The following SORCS2 variants were observed in gnomAD, a reference collection of about 807,000 sequenced individuals.
SORCS2 encodes VPS10 domain-containing receptor SorCS2.
Under a neutral mutation model 141.6 loss-of-function variants are expected in SORCS2, and 100 were observed. The ratio of observed to expected loss-of-function variants is 0.71; its 90% CI spans 0.60 to 0.83. The LOEUF (loss-of-function observed/expected upper bound fraction) is 0.83, where lower values mean the gene tolerates loss of function less well. SORCS2 is among the 40% of genes least tolerant of loss of function. The probability of loss-of-function intolerance (pLI) is 0.00; values close to 1 mark genes in which losing one functional copy is unlikely to be tolerated. For missense variants in SORCS2, 1,646 were observed against 1,560.2 expected (o/e 1.05, Z -0.93); for synonymous variants, 789 against 676.9 (o/e 1.17, Z -2.57).
chr4:7,268,097 G>A (rs1028841701), intron 1 of SORCS2, among the ~76,000 whole-genome samples: 2 of 152,192 alleles, frequency 1.3e-5, no homozygotes, highest in Non-Finnish European at 2.9e-5. Flanking sequence ...GGTGGGCCCC[G>A]GGCCCCTGGA....
chr4:7,594,569 C>T (rs142017721), intron 3 of SORCS2, among the ~76,000 whole-genome samples: 46 of 152,270 alleles, frequency 3.0e-4, no homozygotes, highest in African/African-American at 9.9e-4. Context: ...CTGCCCAGGG[C>T]GCATCCTGGC....
At chr4:7,558,868 T>C (rs1414108378) in intron 3 of SORCS2, among the ~76,000 whole-genome samples, 1 of 152,186 alleles carries the variant, frequency 6.6e-6, no homozygotes, top group African/African-American at 2.4e-5. Context: ...AGCCGGCCCA[T>C]AGAGCTGTGG....
chr4:7,423,172 A>G (rs1163208537), intron 2 of SORCS2, among the ~76,000 whole-genome samples: 12 of 151,922 alleles, frequency 7.9e-5, no homozygotes. Context: ...GGAGGCTCTG[A>G]CTCCGTGCTG....
At chr4:7,685,008 G>A (rs898795099) in intron 10 of SORCS2, among the ~76,000 whole-genome samples, 2 of 152,176 alleles carry the variant, frequency 1.3e-5, no homozygotes, top group Non-Finnish European at 2.9e-5. Flanking sequence ...CCGGCTGCCC[G>A]CCTCTGCTCA....
chr4:7,366,851 A>G (rs1721931063), intron 1 of SORCS2, among the ~76,000 whole-genome samples: 1 of 152,140 alleles, frequency 6.6e-6, no homozygotes, highest in Non-Finnish European at 1.5e-5. Context: ...GGTGCATGGC[A>G]GGTTCTCAGG....
At chr4:7,739,936 C>A (rs1712519678) in intron 26 of SORCS2, among the ~76,000 whole-genome samples, 1 of 152,200 alleles carries the variant, frequency 6.6e-6, no homozygotes, top group Non-Finnish European at 1.5e-5. Flanking sequence ...AGGTCAGTGG[C>A]TGTGGCGGGT....
intron 22 of SORCS2, among the ~76,000 whole-genome samples, chr4:7,729,325 GGGCCA>G (rs1290968091): frequency 2.0e-5 from 3 of 152,108 alleles, no homozygotes; most frequent in Non-Finnish European, 4.4e-5. Context: ...AATGGACTGA[GGGCCA>G]GGCCTGGCCA....
chr4:7,356,868 G>T (rs956026538), intron 1 of SORCS2, among the ~76,000 whole-genome samples: 2 of 152,210 alleles, frequency 1.3e-5, no homozygotes, highest in Admixed American at 1.3e-4. Context: ...TCCGGGCCTG[G>T]CCTGCTGGCT....
intron 12 of SORCS2, among the ~76,000 whole-genome samples, chr4:7,700,913 C>T (rs1328729192): frequency 6.6e-6 from 1 of 152,226 alleles, no homozygotes; most frequent in African/African-American, 2.4e-5. Flanking sequence ...CAGTCACCAG[C>T]TGTGTGGCTT....
intron 3 of SORCS2, among the ~76,000 whole-genome samples, chr4:7,632,394 A>G (rs933958271): frequency 2.6e-5 from 4 of 152,170 alleles, no homozygotes; most frequent in African/African-American, 9.6e-5. Context: ...CTGCTGCCCA[A>G]TTTGGAGGAA....
At chr4:7,398,994 A>G (rs1020546497) in intron 2 of SORCS2, among the ~76,000 whole-genome samples, 3 of 152,186 alleles carry the variant, frequency 2.0e-5, no homozygotes, top group Non-Finnish European at 2.9e-5. Flanking sequence ...CGACTTTTCT[A>G]ACTCCTGCTC....
chr4:7,566,700 C>T (rs1045698477), intron 3 of SORCS2, among the ~76,000 whole-genome samples: 8 of 152,262 alleles, frequency 5.3e-5, no homozygotes, highest in East Asian at 3.8e-4. Flanking sequence ...TAGGAAGTGA[C>T]GTGCATTGCT....
intron 2 of SORCS2, among the ~76,000 whole-genome samples, chr4:7,478,271 G>A (rs1730422509): frequency 6.6e-6 from 1 of 152,282 alleles, no homozygotes; most frequent in East Asian, 1.9e-4. Flanking sequence ...AAGGAGGCTC[G>A]CTTCCTTTCA....
At chr4:7,622,691 T>G (rs952582652) in intron 3 of SORCS2, among the ~76,000 whole-genome samples, 6 of 152,068 alleles carry the variant, frequency 3.9e-5, no homozygotes, top group African/African-American at 1.4e-4. Context: ...TATCTGTTCT[T>G]CCAGATCTGG....
chr4:7,199,003 G>A (rs1441809499), intron 1 of SORCS2, among the ~76,000 whole-genome samples: 1 of 152,186 alleles, frequency 6.6e-6, no homozygotes. Context: ...CCTCATATTT[G>A]CCTCCAAAGC....
intron 1 of SORCS2, among the ~76,000 whole-genome samples, chr4:7,393,672 G>C (rs1376700000): frequency 6.6e-6 from 1 of 152,152 alleles, no homozygotes; most frequent in East Asian, 1.9e-4. Context: ...GGTATCCCTG[G>C]GGCATTGCGG....
At chr4:7,421,190 C>T (rs540266728) in intron 2 of SORCS2, among the ~76,000 whole-genome samples, 20 of 152,312 alleles carry the variant, frequency 1.3e-4, no homozygotes, top group Admixed American at 4.6e-4. Flanking sequence ...GCACTGGGCT[C>T]TGCAGTGAGT....
intron 8 of SORCS2, among the ~76,000 whole-genome samples, chr4:7,673,685 A>G (rs73076419): frequency 0.024 from 3,641 of 152,264 alleles, 162 homozygotes; most frequent in African/African-American, 0.084. Flanking sequence ...TGTTTCCTAG[A>G]TTGTAGAACA....
intron 3 of SORCS2, among the ~76,000 whole-genome samples, chr4:7,637,426 G>A (rs148697078): frequency 1.8e-3 from 281 of 152,352 alleles, no homozygotes; most frequent in African/African-American, 6.4e-3. Flanking sequence ...CTTTGGAGCA[G>A]TTGTCCCTGA....
Sources: gnomAD v4.1 joint callset for allele counts (sites outside exome capture counted in the v4.1 genomes callset) on GRCh38, gnomAD v4.1.1 for gene constraint, MANE v1.5 for transcripts, NCBI Gene and HGNC (gene_info 2026-07-23, HGNC 2026-07-21) for gene names.